Variants in PARL observed in about 807,000 individuals in gnomAD.
PARL encodes presenilin associated rhomboid like.
In PARL, 44 loss-of-function variants were observed where a neutral mutation model predicts 51.6. The ratio of observed to expected loss-of-function variants is 0.85; its 90% CI spans 0.67 to 1.10. The LOEUF (loss-of-function observed/expected upper bound fraction) is 1.10. Among genes scored for constraint, PARL ranks in the 50% least tolerant of loss-of-function variants. PARL has a pLI of 0.00. For synonymous variants in PARL, 172 were observed against 164.0 expected, an observed-to-expected ratio of 1.05 and a Z score of -0.37; for missense variants, 441 against 469.5, an observed-to-expected ratio of 0.94 and a Z score of 0.56.
At chr3:183,843,161 G>T in intron 5 of PARL, 1 of 972,382 alleles carries the variant, frequency 1.0e-6, no homozygotes, top group Non-Finnish European at 1.2e-6. Flanking sequence ...TGGGATTATA[G>T]ATGTGAGTCA....
intron 4 of PARL, 139 bp downstream of exon 4, chr3:183,862,614 T>C: frequency 1.4e-6 from 1 of 705,980 alleles, no homozygotes. Context: ...TATATACTAT[T>C]ACATTAGCCT....
intron 1 of PARL, among the ~76,000 whole-genome samples, chr3:183,876,720 A>ATC (rs1164863730): frequency 2.0e-5 from 3 of 151,836 alleles, no homozygotes; most frequent in African/African-American, 7.3e-5. Context: ...TTTCTGATGG[A>ATC]TCTGGGCAAG....
Position 183,866,637 on chromosome 3 carries a change from G to A in PARL, c.450C>T (p.Asp150=). ...LDSIRPQKEG[D]FRKEINKWWN... ...TGTTTATCTTTACCTCCTTTCTGAA[G>A]TCTCCTTCTTTTTGTGGTCTTATGC... The change falls in exon 3 of 10, where the codon GAC becomes GAT. Residue 150 remains aspartate, a synonymous_variant. Transcript: ENST00000317096. The A allele has an allele frequency of 6.2e-7, 1 of 1,611,540 alleles. No individual in the cohort carries two copies. The highest frequency in any genetic ancestry group is 2.2e-4 in the Middle Eastern group (1 of 4,636).
At chr3:183,873,399 C>A (rs550626618) in intron 1 of PARL, among the ~76,000 whole-genome samples, 5 of 152,042 alleles carry the variant, frequency 3.3e-5, no homozygotes, top group Admixed American at 3.3e-4. Flanking sequence ...TGATTACAGG[C>A]GTGGTGGCAC....
intron 4 of PARL, among the ~76,000 whole-genome samples, chr3:183,849,477 G>T (rs890748206): frequency 2.0e-5 from 3 of 151,954 alleles, no homozygotes; most frequent in African/African-American, 7.3e-5. Flanking sequence ...TCAGATGAAT[G>T]AAAACAAAAA....
At chr3:183,845,323 T>TC (rs757189663) in intron 4 of PARL, among the ~76,000 whole-genome samples, 4 of 152,206 alleles carry the variant, frequency 2.6e-5, no homozygotes, top group Non-Finnish European at 5.9e-5. Flanking sequence ...TTCTAGTCTG[T>TC]CCAGTTTTTG....
chr3:183,837,529 C>T (rs1212584479), intron 7 of PARL, among the ~76,000 whole-genome samples: 2 of 152,208 alleles, frequency 1.3e-5, no homozygotes, highest in Non-Finnish European at 2.9e-5. Context: ...TTAGCAGAGG[C>T]ACACTAGGTA....
chr3:183,851,953 A>C lies in PARL; in HGVS notation c.512-7627T>G, dbSNP rs371906629. Among the ~76,000 whole-genome samples the C allele has an allele frequency of 9.2e-5, 14 of 152,302 alleles. 1 individual carries two copies. Among genetic ancestry groups the C allele is most frequent in the Admixed American group, 4.6e-4 (7 of 15,292 alleles). The stretch of plus-strand genomic sequence containing the variant: ...GGCAAGAGGATTATTTGAGCCCAGG[A>C]GTTCGAAAGCAGCCTGGGCAACTTG... On this transcript the variant is annotated intron_variant, in intron 4 of 9. Transcript: ENST00000317096.
At chr3:183,875,471 A>ATGG (rs1733701232) in intron 1 of PARL, among the ~76,000 whole-genome samples, 3 of 151,906 alleles carry the variant, frequency 2.0e-5, no homozygotes, top group Admixed American at 2.0e-4. Flanking sequence ...CTTATTGCCA[A>ATGG]CATGGAAAAA....
intron 3 of PARL, among the ~76,000 whole-genome samples, chr3:183,864,707 C>T (rs1188281622): frequency 3.3e-5 from 5 of 151,134 alleles, no homozygotes; most frequent in African/African-American, 9.7e-5. Flanking sequence ...ACCCGGGAGG[C>T]AGAGCTTGCA....
At chr3:183,871,987 T>C (rs1234775611) in intron 1 of PARL, among the ~76,000 whole-genome samples, 2 of 149,006 alleles carry the variant, frequency 1.3e-5, no homozygotes, top group Non-Finnish European at 3.0e-5. Flanking sequence ...CTACTATTAC[T>C]TGCCTAGAAT....
chr3:183,832,818 C>A (rs772765998), intron 9 of PARL, among the ~76,000 whole-genome samples: 1 of 151,994 alleles, frequency 6.6e-6, no homozygotes, highest in Non-Finnish European at 1.5e-5. Context: ...AGTTTAGCAA[C>A]CAATTCCATA....
At chr3:183,877,991 A>G (rs1415619841) in intron 1 of PARL, among the ~76,000 whole-genome samples, 5 of 152,090 alleles carry the variant, frequency 3.3e-5, no homozygotes, top group African/African-American at 4.8e-5. Flanking sequence ...GGGTTTCATC[A>G]TATTGGTCAG....
At chr3:183,832,652 T>A in intron 9 of PARL, among the ~76,000 whole-genome samples, 1 of 152,234 alleles carries the variant, frequency 6.6e-6, no homozygotes, top group Non-Finnish European at 1.5e-5. Context: ...CAGCTCATGC[T>A]GACGGGTCTC....
At chr3:183,873,204 C>T (rs1733413105) in intron 1 of PARL, among the ~76,000 whole-genome samples, 1 of 151,954 alleles carries the variant, frequency 6.6e-6, no homozygotes, top group South Asian at 2.1e-4. Context: ...ATATATTTAC[C>T]ATAAAGATGA....
intron 4 of PARL, chr3:183,844,578 A>G: frequency 6.7e-6 from 3 of 445,434 alleles, no homozygotes; most frequent in South Asian, 5.4e-5. Flanking sequence ...CCCTAGATCC[A>G]TATTTTACTT....
intron 1 of PARL, among the ~76,000 whole-genome samples, chr3:183,876,986 C>T (rs942279895): frequency 2.8e-4 from 42 of 152,194 alleles, no homozygotes; most frequent in African/African-American, 9.2e-4. Context: ...CCGAGGCGGG[C>T]GGATCACCTG....
intron 1 of PARL, 66 bp downstream of exon 1, chr3:183,884,656 C>A: frequency 1.3e-6 from 2 of 1,521,296 alleles, no homozygotes. Context: ...GGCCTCCGCC[C>A]CCGAGGATAC....
intron 4 of PARL, among the ~76,000 whole-genome samples, chr3:183,858,484 C>T (rs188252827): frequency 2.0e-5 from 3 of 152,326 alleles, no homozygotes; most frequent in Admixed American, 2.0e-4. Flanking sequence ...GCACAGTTTT[C>T]TTGCGATCTC....
Sources: gnomAD v4.1 joint callset for allele counts (sites outside exome capture counted in the v4.1 genomes callset) on GRCh38, gnomAD v4.1.1 for gene constraint, MANE v1.5 for transcripts, NCBI Gene and HGNC (gene_info 2026-07-23, HGNC 2026-07-21) for gene names.